Variants in FBXO42 observed in about 807,000 individuals in gnomAD.
The protein encoded by FBXO42 is F-box protein 42.
Under a neutral mutation model 71.7 loss-of-function variants are expected in FBXO42, and 12 were observed. The ratio of observed to expected loss-of-function variants is 0.17; its 90% CI spans 0.11 to 0.27. FBXO42 has a LOEUF of 0.27. Ranked by LOEUF, FBXO42 falls within the 10% of genes least tolerant of loss-of-function variation. The pLI is 1.00. For missense variants in FBXO42, 707 were observed against 911.9 expected (o/e 0.78, Z 2.89); for synonymous variants, 325 against 327.5 (o/e 0.99, Z 0.08).
intron 1 of FBXO42, among the ~76,000 whole-genome samples, chr1:16,333,356 T>C (rs768271641): frequency 4.6e-5 from 7 of 151,352 alleles, no homozygotes; most frequent in African/African-American, 7.3e-5. Flanking sequence ...CTTATGCCTA[T>C]AATCACAGCA....
chr1:16,256,183 C>A (rs1228879604), intron 5 of FBXO42, among the ~76,000 whole-genome samples: 7 of 152,156 alleles, frequency 4.6e-5, no homozygotes, highest in African/African-American at 1.7e-4. Context: ...TCTTCCATTA[C>A]AAGAAACGGC....
intron 4 of FBXO42, among the ~76,000 whole-genome samples, chr1:16,271,152 G>A (rs1255217716): frequency 1.3e-5 from 2 of 152,038 alleles, no homozygotes; most frequent in Non-Finnish European, 2.9e-5. Flanking sequence ...GTGAGGGACA[G>A]GAATGCAGCA....
rs751819976 is a variant in FBXO42 at position 16,311,049 on chromosome 1, G to A, written c.250+4120C>T. Among the ~76,000 whole-genome samples the A allele has an allele frequency of 4.8e-5, 7 of 145,870 alleles. 1 individual carries two copies. Among genetic ancestry groups the A allele is most frequent in the Non-Finnish European group, 1.1e-4 (7 of 66,460 alleles). ...CCCAATTAAAAAATGGGTCAACGCC[G>A]GGCACGGTGGCTCACGCCTGTAATC... On this transcript the variant is annotated intron_variant, in intron 2 of 9. Transcript: ENST00000375592.
intron 1 of FBXO42, among the ~76,000 whole-genome samples, chr1:16,320,324 G>A (rs1165950535): frequency 1.5e-5 from 2 of 133,004 alleles, no homozygotes; most frequent in South Asian, 2.3e-4. Flanking sequence ...TCATGCCACC[G>A]CACTCTAGCC....
At chr1:16,306,693 T>C (rs59316881) in intron 2 of FBXO42, among the ~76,000 whole-genome samples, 3,050 of 151,950 alleles carry the variant, frequency 0.02, 103 homozygotes, top group African/African-American at 0.069. Context: ...CAATTGATTA[T>C]GTTTTGTTTA....
intron 3 of FBXO42, among the ~76,000 whole-genome samples, chr1:16,305,586 C>T (rs553288609): frequency 2.6e-5 from 4 of 151,882 alleles, no homozygotes; most frequent in East Asian, 3.9e-4. Context: ...TGATGGGGCA[C>T]GCCTGTAGTC....
chr1:16,272,289 C>T (rs959898843), intron 4 of FBXO42, among the ~76,000 whole-genome samples: 1 of 150,864 alleles, frequency 6.6e-6, no homozygotes, highest in African/African-American at 2.4e-5. Flanking sequence ...GACAGAGTTT[C>T]GCTCTTGTTA....
chr1:16,332,433 C>T (rs987896443), intron 1 of FBXO42, among the ~76,000 whole-genome samples: 9 of 152,020 alleles, frequency 5.9e-5, no homozygotes, highest in African/African-American at 2.2e-4. Context: ...AATGACATTG[C>T]TATATTGTGA....
intron 3 of FBXO42, among the ~76,000 whole-genome samples, chr1:16,302,364 G>T (rs553510942): frequency 1.1e-4 from 16 of 152,272 alleles, no homozygotes; most frequent in African/African-American, 3.8e-4. Context: ...CCAAGACTGG[G>T]TAATTTATAA....
chr1:16,279,622 A>C, intron 4 of FBXO42, among the ~76,000 whole-genome samples: 1 of 152,220 alleles, frequency 6.6e-6, no homozygotes, highest in East Asian at 1.9e-4. Flanking sequence ...TAAACATAAT[A>C]GTCAAATAGC....
chr1:16,318,120 A>G (rs561966155), intron 1 of FBXO42, among the ~76,000 whole-genome samples: 6 of 152,184 alleles, frequency 3.9e-5, no homozygotes, highest in South Asian at 2.1e-4. Flanking sequence ...GCACTTCTCT[A>G]AAGTTTGTCA....
intron 1 of FBXO42, among the ~76,000 whole-genome samples, chr1:16,352,022 G>T (rs1371502014): frequency 1.3e-5 from 2 of 152,158 alleles, no homozygotes; most frequent in Non-Finnish European, 2.9e-5. Context: ...CTGCTGAGGA[G>T]AGGGGGTGGG....
intron 1 of FBXO42, among the ~76,000 whole-genome samples, chr1:16,321,058 A>G (rs1274355951): frequency 6.6e-6 from 1 of 152,236 alleles, no homozygotes; most frequent in Non-Finnish European, 1.5e-5. Flanking sequence ...TTGATTCAAT[A>G]AAACAACTCA....
In FBXO42 at chr1:16,321,804, T is replaced by C. The variant is rs925511718; in HGVS notation, c.-17-6369A>G. ...AACTCCTAGGCTCAAGTGATCCTCC[T>C]GTCCCAATGTTCCAAAGTGCTGGGA... is the stretch of plus-strand genomic sequence containing the variant. On this transcript the variant is annotated intron_variant, in intron 1 of 9. Coordinates refer to ENST00000375592, the MANE Select transcript of FBXO42 (RefSeq NM_018994.3). 2.6e-5 allele frequency among the ~76,000 whole-genome samples: 4 copies of C among 152,140 alleles called. No homozygotes were observed. In the East Asian group the frequency reaches 7.7e-4, roughly 29 times the overall value.
intron 4 of FBXO42, chr1:16,293,212 C>T: frequency 6.6e-6 from 1 of 152,164 alleles, no homozygotes; most frequent in East Asian, 1.9e-4. Context: ...CCTCCACCTC[C>T]TGGGTTCATG....
chr1:16,305,827 G>C lies in FBXO42; in HGVS notation c.343C>G (p.Pro115Ala). 1 of 1,614,032 alleles carries C rather than the reference G, an allele frequency of 6.2e-7. No homozygotes were observed. Among genetic ancestry groups the C allele is most frequent in the Non-Finnish European group, 8.5e-7 (1 of 1,179,930 alleles). ...CTGTGCGAGAAGCGCTGAGTGATTGGGGTTCCAGGATAAGGATAGGTACGG... is the reference window on the plus strand; with the variant it reads ...CTGTGCGAGAAGCGCTGAGTGATTGCGGTTCCAGGATAAGGATAGGTACGG... The part of the protein sequence containing the change: ...ESRTYPYPGT[P>A]ITQRFSHSAC... The change falls in exon 3 of 10, where the codon CCA becomes GCA. Residue 115 changes from proline (P) to alanine (A), a missense_variant. Around this residue, in one of 5 missense-constraint regions of FBXO42, gnomAD observed 188 missense variants for 230.5 expected, o/e 0.82. Coordinates refer to ENST00000375592, the MANE Select transcript of FBXO42 (RefSeq NM_018994.3).
chr1:16,261,976 T>C (rs2081719609), intron 4 of FBXO42, among the ~76,000 whole-genome samples: 1 of 152,180 alleles, frequency 6.6e-6, no homozygotes, highest in Non-Finnish European at 1.5e-5. Flanking sequence ...TCTCCCAAAC[T>C]GCTGGGATTA....
intron 3 of FBXO42, among the ~76,000 whole-genome samples, chr1:16,302,578 C>T (rs2082206225): frequency 6.6e-6 from 1 of 152,286 alleles, no homozygotes; most frequent in East Asian, 1.9e-4. Flanking sequence ...GGTGCAATCT[C>T]AGCTCACTGC....
At chr1:16,271,246 CGTGTGTGTGTTGGTGTGTGTGT>C (rs1466202749) in intron 4 of FBXO42, among the ~76,000 whole-genome samples, 62 of 131,748 alleles carry the variant, frequency 4.7e-4, no homozygotes, top group Middle Eastern at 3.6e-3. Context: ...CTACTGTGTG[CGTGTGTGTGTTGGTGTGTGTGT>C]GTGTGTGTGT....
Sources: allele counts gnomAD v4.1 joint callset (sites outside exome capture counted in the v4.1 genomes callset), GRCh38; gene constraint gnomAD v4.1.1; regional missense constraint gnomAD v4.1.1; transcripts MANE v1.5; gene names NCBI Gene and HGNC (gene_info 2026-07-23, HGNC 2026-07-21).